Variants in NFATC2 observed in about 807,000 individuals in gnomAD.
NFATC2 encodes the protein nuclear factor of activated T cells 2.
A neutral mutation model predicts 87.3 loss-of-function variants in NFATC2; 22 were observed. The ratio of observed to expected loss-of-function variants is 0.25; its 90% CI spans 0.18 to 0.36. The LOEUF (loss-of-function observed/expected upper bound fraction) is 0.36, where lower values mean the gene tolerates loss of function less well. Ranked by LOEUF, NFATC2 falls within the 10% of genes least tolerant of loss-of-function variation. The probability of loss-of-function intolerance (pLI) is 1.00; values close to 1 mark genes in which losing one functional copy is unlikely to be tolerated. For synonymous variants in NFATC2, 565 were observed against 542.2 expected (o/e 1.04, Z -0.58); for missense variants, 1,149 against 1,259.1 (o/e 0.91, Z 1.32).
chr20:51,526,612 G>C (rs550136107), intron 1 of NFATC2, among the ~76,000 whole-genome samples: 13 of 152,284 alleles, frequency 8.5e-5, no homozygotes, highest in Admixed American at 3.9e-4. Context: ...CTGCCAGCCA[G>C]AAACAAGCCC....
chr20:51,559,232 T>C (rs2077002239), intron 1 of NFATC2, among the ~76,000 whole-genome samples: 1 of 152,214 alleles, frequency 6.6e-6, no homozygotes, highest in South Asian at 2.1e-4. Context: ...ATGCTTTCAT[T>C]TCCCTGAGGG....
At chr20:51,456,203 C>T (rs1986524559) in intron 5 of NFATC2, among the ~76,000 whole-genome samples, 1 of 152,126 alleles carries the variant, frequency 6.6e-6, no homozygotes, top group Non-Finnish European at 1.5e-5. Flanking sequence ...CTCAATACAT[C>T]TATTTACATC....
chr20:51,438,442 T>TAAAAA (rs768691018), intron 6 of NFATC2, among the ~76,000 whole-genome samples: 1 of 36,756 alleles, frequency 2.7e-5, no homozygotes, highest in African/African-American at 1.1e-4. Flanking sequence ...GAGCTTGCTT[T>TAAAAA]GAAAAAAAAA....
chr20:51,521,361 C>T (rs1023531127), intron 2 of NFATC2, among the ~76,000 whole-genome samples: 6 of 152,082 alleles, frequency 3.9e-5, no homozygotes, highest in African/African-American at 7.2e-5. Flanking sequence ...CACTCTGTCA[C>T]GAAGGCTAGA....
At chr20:51,507,971 C>T (rs2076212569) in intron 3 of NFATC2, among the ~76,000 whole-genome samples, 1 of 152,310 alleles carries the variant, frequency 6.6e-6, no homozygotes, top group African/African-American at 2.4e-5. Context: ...CCACCCTGCC[C>T]AGCACACACG....
At position 51,523,138 on chromosome 20, in the gene NFATC2, A is replaced by T. The variant is rs1234185644; in HGVS notation, c.1103T>A (p.Ile368Asn). 3 of 1,614,202 alleles carry T rather than the reference A, an allele frequency of 1.9e-6. No homozygotes were observed. Among genetic ancestry groups the T allele is most frequent in the South Asian group, 1.1e-5 (1 of 91,086 alleles). The part of the protein sequence containing the change: ...GERRNSAPES[I>N]LLVPPTWPKP... ...GGGCCAAGTGGGCGGAACCAGCAGG[A>T]TGGATTCTGGAGCCGAGTTTCTCCT... Residue 368 changes from isoleucine (I) to asparagine (N), a missense_variant, in exon 2 of 11, where the codon ATC becomes AAC. By Grantham distance (149) the Ile-to-Asn change is moderately radical. This residue lies in a region of NFATC2 where 563 missense variants were observed against 585.2 expected (regional missense o/e 0.96). Coordinates refer to ENST00000371564, the MANE Select transcript of NFATC2 (RefSeq NM_012340.5). This position sits in a 1 kb window ranked among gnomAD's most constrained non-coding sequence, Gnocchi z 6.9.
At chr20:51,517,652 C>T (rs1310006173) in intron 2 of NFATC2, among the ~76,000 whole-genome samples, 2 of 151,916 alleles carry the variant, frequency 1.3e-5, no homozygotes. Flanking sequence ...TGCAGTGGCT[C>T]ATGCCTGTAA....
At chr20:51,509,558 C>T (rs2076239823) in intron 3 of NFATC2, among the ~76,000 whole-genome samples, 1 of 152,228 alleles carries the variant, frequency 6.6e-6, no homozygotes. Flanking sequence ...GATGCCAACA[C>T]AGCAGCCCTG....
intron 9 of NFATC2, among the ~76,000 whole-genome samples, chr20:51,428,930 G>A (rs1339686158): frequency 6.6e-6 from 1 of 152,222 alleles, no homozygotes; most frequent in Admixed American, 6.5e-5. Context: ...AGCCAAATAT[G>A]TGCCGTGTGC....
At chr20:51,515,604 C>A (rs1459426241) in intron 3 of NFATC2, among the ~76,000 whole-genome samples, 2 of 150,814 alleles carry the variant, frequency 1.3e-5, no homozygotes, top group East Asian at 1.9e-4. Context: ...ACAGGCAACA[C>A]AACAGGAAAA....
intron 1 of NFATC2, among the ~76,000 whole-genome samples, chr20:51,527,122 A>G (rs1056904867): frequency 2.0e-5 from 3 of 151,846 alleles, no homozygotes; most frequent in Non-Finnish European, 2.9e-5. Flanking sequence ...GCTAGTCTCC[A>G]ACTCCTGAGC....
At position 51,454,708 on chromosome 20, in the gene NFATC2, A is replaced by C. The variant is rs775063192; in HGVS notation, c.1709-20T>G. The C allele has an allele frequency of 1.2e-6, 2 of 1,613,290 alleles. No homozygotes were observed. Among genetic ancestry groups the C allele is most frequent in the African/African-American group, 2.7e-5 (2 of 74,910 alleles). ...GCTGGGCTGCAGGCAAAAGAGAGAG[A>C]AGTCACTGTGATAAGGGGAGATGTC... On this transcript the variant is annotated intron_variant, in intron 5 of 10. Transcript: ENST00000371564.
intron 1 of NFATC2, among the ~76,000 whole-genome samples, chr20:51,534,218 G>A (rs1337331791): frequency 6.8e-6 from 1 of 147,104 alleles, no homozygotes; most frequent in Non-Finnish European, 1.5e-5. Flanking sequence ...GGCAAAGCTT[G>A]CATTCAATTT....
rs1986022749 is a variant in NFATC2, at chr20:51,388,693, C to A, written c.*2803G>T. The A allele has an allele frequency of 6.6e-6, 1 of 152,140 alleles. No homozygotes were observed. The highest frequency in any genetic ancestry group is 1.5e-5 in the Non-Finnish European group (1 of 68,020). 9.4% of individuals were successfully genotyped at this position (152,140 alleles called of 1,614,324 possible). On this transcript the variant is annotated 3_prime_UTR_variant, in exon 11 of 11. Coordinates refer to ENST00000371564, the MANE Select transcript of NFATC2 (RefSeq NM_012340.5). ...TGCTATACATATTATCAAGCAGCAGCATCTTTGTACAATACAGGAAGACTT... is the reference window on the plus strand; with the variant it reads ...TGCTATACATATTATCAAGCAGCAGAATCTTTGTACAATACAGGAAGACTT...
intron 2 of NFATC2, among the ~76,000 whole-genome samples, chr20:51,520,253 TAAATAA>T (rs2076422242): frequency 6.6e-6 from 1 of 152,194 alleles, no homozygotes; most frequent in Non-Finnish European, 1.5e-5. Flanking sequence ...TCTCAACCAC[TAAATAA>T]AATCATGGTT....
At chr20:51,479,213 A>G (rs1989019365) in intron 3 of NFATC2, among the ~76,000 whole-genome samples, 1 of 152,152 alleles carries the variant, frequency 6.6e-6, no homozygotes, top group Non-Finnish European at 1.5e-5. Context: ...TTAGTTAGTT[A>G]TTTGCTGAAC....
At chr20:51,433,593 C>T (rs1983093639) in intron 8 of NFATC2, among the ~76,000 whole-genome samples, 1 of 152,144 alleles carries the variant, frequency 6.6e-6, no homozygotes, top group South Asian at 2.1e-4. Flanking sequence ...TCTCCCTGCC[C>T]AGCACCAGTC....
At chr20:51,424,478 C>T (rs1981463901) in intron 9 of NFATC2, among the ~76,000 whole-genome samples, 2 of 152,208 alleles carry the variant, frequency 1.3e-5, no homozygotes, top group South Asian at 4.1e-4. Context: ...GGGCAAAGAG[C>T]TTTACAGGAC....
Position 51,432,844 on chromosome 20 carries a change from G to T in NFATC2, c.2033-88C>A. 8.3e-7 allele frequency: 1 copy of T among 1,209,698 alleles called. No homozygotes were observed. Among genetic ancestry groups the T allele is most frequent in the South Asian group, 1.7e-5 (1 of 57,908 alleles). 74.9% of individuals were successfully genotyped at this position (1,209,698 alleles called of 1,614,324 possible). A position where few individuals can be genotyped will look rare whatever the true frequency, so the allele number is the denominator to read the frequency against. On this transcript the variant is annotated intron_variant, in intron 8 of 10. Transcript: ENST00000371564. The surrounding 1 kb of genome is among the most constrained non-coding windows in gnomAD (Gnocchi z 4.6). The stretch of plus-strand genomic sequence containing the variant: ...ATTCGTGGATGGTGCTTGAGAACAT[G>T]GCCTTGGGAGTCCATACGGGTGGGA...
Sources: allele counts gnomAD v4.1 joint callset (sites outside exome capture counted in the v4.1 genomes callset), GRCh38; gene constraint gnomAD v4.1.1; regional missense constraint gnomAD v4.1.1; non-coding constraint Gnocchi (gnomAD v3.1); transcripts MANE v1.5; gene names NCBI Gene and HGNC (gene_info 2026-07-23, HGNC 2026-07-21).